Variants in SV2C observed in about 807,000 individuals in gnomAD.
SV2C encodes the protein solute carrier family 22 member B3.
In SV2C, 49 loss-of-function variants were observed where a neutral mutation model predicts 79.7. That is an observed-to-expected ratio of 0.61 (90% CI 0.49 to 0.78). The LOEUF (loss-of-function observed/expected upper bound fraction) is 0.78. Among genes scored for constraint, SV2C ranks in the 30% least tolerant of loss-of-function variants. The pLI is 0.00. For synonymous variants in SV2C, 334 were observed against 333.2 expected (o/e 1.00, Z -0.03); for missense variants, 833 against 912.9 (o/e 0.91, Z 1.13).
the SV2C span, among the ~76,000 whole-genome samples, chr5:75,850,686 T>G: frequency 1.3e-5 from 2 of 151,886 alleles, no homozygotes; most frequent in Admixed American, 6.6e-5. Context: ...GAGACAATTT[T>G]AGGTTAGGAA....
In SV2C at chr5:76,298,925, C is replaced by T; in HGVS notation, c.1634C>T (p.Thr545Ile). The T allele has an allele frequency of 3.1e-6, 5 of 1,613,488 alleles. No homozygotes were observed. The highest frequency in any genetic ancestry group is 4.2e-6 in the Non-Finnish European group (5 of 1,179,750). Residue 545 changes from threonine (T) to isoleucine (I), a missense_variant and splice_region_variant, in exon 10 of 13, where the codon ACA becomes ATA. Thr to Ile is a moderately conservative substitution (Grantham distance 89). Transcript: ENST00000502798. ...TTTATTGACACTGTTTTTGACAACACAGGTAGGTGTGCTACTTAGTACTGC... is the reference window on the plus strand; with the variant it reads ...TTTATTGACACTGTTTTTGACAACATAGGTAGGTGTGCTACTTAGTACTGC... The part of the protein sequence containing the change: ...CTFIDTVFDN[T>I]DFEPYKFIDS...
the SV2C span, among the ~76,000 whole-genome samples, chr5:76,033,795 G>A: frequency 3.9e-5 from 6 of 152,030 alleles, no homozygotes; most frequent in Admixed American, 3.3e-4. Context: ...AAAGTCATTG[G>A]TAGCTTGATG....
intron 12 of SV2C, among the ~76,000 whole-genome samples, chr5:76,309,383 G>A (rs897643837): frequency 5.3e-5 from 8 of 151,914 alleles, no homozygotes; most frequent in East Asian, 1.9e-4. Context: ...GGCGGATTAC[G>A]AGGTCAGGAG....
At chr5:76,145,298 T>G (rs893948883) in intron 2 of SV2C, among the ~76,000 whole-genome samples, 2 of 152,206 alleles carry the variant, frequency 1.3e-5, no homozygotes, top group African/African-American at 4.8e-5. Context: ...TCAAAGTAGG[T>G]ACTGGAACAT....
chr5:76,272,694 A>G (rs1289200995), intron 4 of SV2C, among the ~76,000 whole-genome samples: 1 of 152,204 alleles, frequency 6.6e-6, no homozygotes. Context: ...CTTATCTGGT[A>G]GAGACACAAG....
At chr5:76,135,031 C>T (rs1037172200) in intron 2 of SV2C, among the ~76,000 whole-genome samples, 21 of 152,244 alleles carry the variant, frequency 1.4e-4, no homozygotes, top group African/African-American at 4.3e-4. Context: ...AAAGAGACTT[C>T]GAGCAGGGAG....
intron 12 of SV2C, among the ~76,000 whole-genome samples, chr5:76,308,892 T>C (rs13171001): frequency 6.6e-6 from 1 of 152,238 alleles, no homozygotes; most frequent in African/African-American, 2.4e-5. Context: ...AACTATTTTT[T>C]TGAGCACCTA....
intron 6 of SV2C, among the ~76,000 whole-genome samples, chr5:76,289,709 C>T (rs905483214): frequency 3.9e-5 from 6 of 152,304 alleles, no homozygotes; most frequent in South Asian, 4.1e-4. Context: ...TGCAGTTTCC[C>T]GGTGCACTAT....
intron 2 of SV2C, among the ~76,000 whole-genome samples, chr5:76,157,561 A>G (rs113404516): frequency 0.016 from 2,448 of 152,058 alleles, 53 homozygotes; most frequent in African/African-American, 0.051. Context: ...GCATTAAACT[A>G]TACACATATA....
chr5:75,972,521 A>C, the SV2C span, among the ~76,000 whole-genome samples: 1 of 152,148 alleles, frequency 6.6e-6, no homozygotes, highest in African/African-American at 2.4e-5. Flanking sequence ...GGCGAAGGAT[A>C]TGAACAGACA....
the SV2C span, among the ~76,000 whole-genome samples, chr5:76,072,921 C>A: frequency 2.0e-5 from 3 of 152,184 alleles, no homozygotes; most frequent in African/African-American, 7.2e-5. Context: ...ATTGTCTATT[C>A]ATGTCCTTAG....
the SV2C span, among the ~76,000 whole-genome samples, chr5:76,001,005 T>C: frequency 7.2e-6 from 1 of 138,560 alleles, no homozygotes. Flanking sequence ...CTCGGTACAA[T>C]TAAAAAAAAA....
chr5:76,099,773 T>C (rs1747676523), intron 1 of SV2C, among the ~76,000 whole-genome samples: 1 of 152,210 alleles, frequency 6.6e-6, no homozygotes, highest in Non-Finnish European at 1.5e-5. Flanking sequence ...ATATTGTATT[T>C]TCTGATCATA....
chr5:75,887,686 T>C, the SV2C span, among the ~76,000 whole-genome samples: 3 of 152,108 alleles, frequency 2.0e-5, no homozygotes, highest in East Asian at 5.8e-4. Flanking sequence ...ACAATGTATA[T>C]ATGTATATAT....
chr5:76,102,155 C>T (rs1404560934), intron 1 of SV2C, among the ~76,000 whole-genome samples: 2 of 152,160 alleles, frequency 1.3e-5, no homozygotes, highest in African/African-American at 4.8e-5. Context: ...CATGTCTGTT[C>T]TTGTGTTTAA....
chr5:76,133,338 A>C (rs1391485379), intron 2 of SV2C, among the ~76,000 whole-genome samples: 1 of 152,236 alleles, frequency 6.6e-6, no homozygotes, highest in African/African-American at 2.4e-5. Context: ...ACTTCTTTAA[A>C]ACTAAAGCTT....
chr5:75,954,021 T>C, the SV2C span, among the ~76,000 whole-genome samples: 1 of 151,992 alleles, frequency 6.6e-6, no homozygotes, highest in African/African-American at 2.4e-5. Context: ...GATAGGATTC[T>C]GTAATTGCAT....
the SV2C span, among the ~76,000 whole-genome samples, chr5:76,018,772 A>G: frequency 3.9e-5 from 6 of 152,218 alleles, no homozygotes; most frequent in African/African-American, 1.4e-4. Flanking sequence ...AACTCCACGT[A>G]TTTGTTCAAG....
At chr5:76,114,034 G>A (rs1748178744) in intron 1 of SV2C, among the ~76,000 whole-genome samples, 1 of 152,086 alleles carries the variant, frequency 6.6e-6, no homozygotes, top group East Asian at 1.9e-4. Context: ...CAGAACCCTG[G>A]GCAGAACACT....
Sources: allele counts gnomAD v4.1 joint callset (sites outside exome capture counted in the v4.1 genomes callset), GRCh38; gene constraint gnomAD v4.1.1; transcripts MANE v1.5; gene names NCBI Gene and HGNC (gene_info 2026-07-23, HGNC 2026-07-21).